Variants in THSD4 observed in about 807,000 individuals in gnomAD.
THSD4 encodes thrombospondin type 1 domain containing 4.
In THSD4, 69 loss-of-function variants were observed where a neutral mutation model predicts 119.0. The observed-to-expected ratio is 0.58, with a 90% confidence interval of 0.48 to 0.71. THSD4 has a LOEUF of 0.71. Among genes scored for constraint, THSD4 ranks in the 30% least tolerant of loss-of-function variants. The pLI, the probability that THSD4 is intolerant of heterozygous loss-of-function variation, is 0.00. For missense variants in THSD4, 1,393 were observed against 1,391.1 expected (o/e 1.00, Z -0.02); for synonymous variants, 524 against 540.4 (o/e 0.97, Z 0.42).
At chr15:71,110,579 A>C (rs1033885558), upstream of THSD4, 5 of 153,932 alleles carry the variant, frequency 3.2e-5, no homozygotes, top group African/African-American at 1.2e-4. Flanking sequence ...GCTGTCCCCT[A>C]CTTCTTCCAC....
intron 8 of THSD4, among the ~76,000 whole-genome samples, chr15:71,722,744 G>A (rs1054131741): frequency 3.3e-5 from 5 of 152,166 alleles, no homozygotes; most frequent in Non-Finnish European, 5.9e-5. Context: ...TATCAAATGA[G>A]AAATAAATGT....
At chr15:71,340,631 A>C (rs1397212597) in intron 6 of THSD4, among the ~76,000 whole-genome samples, 7 of 136,368 alleles carry the variant, frequency 5.1e-5, no homozygotes, top group Admixed American at 3.8e-4. Context: ...TTTGCGACAC[A>C]GTTTTACTCT....
intron 7 of THSD4, among the ~76,000 whole-genome samples, chr15:71,476,424 T>C (rs1326879153): frequency 4.6e-5 from 7 of 152,262 alleles, no homozygotes; most frequent in South Asian, 2.1e-4. Context: ...GTATTTTTAG[T>C]AGAGACAGGG....
chr15:71,727,611 CACACA>C (rs1272933416), intron 8 of THSD4, among the ~76,000 whole-genome samples: 6 of 136,932 alleles, frequency 4.4e-5, no homozygotes, highest in Non-Finnish European at 6.2e-5. Flanking sequence ...CACACACACA[CACACA>C]CACACAAGCC....
At chr15:71,262,339 C>T (rs2044410718) in intron 6 of THSD4, among the ~76,000 whole-genome samples, 1 of 152,110 alleles carries the variant, frequency 6.6e-6, no homozygotes, top group South Asian at 2.1e-4. Flanking sequence ...CCAGTTCACC[C>T]AGGACAGTGA....
At chr15:71,697,478 G>C (rs868132740) in intron 8 of THSD4, among the ~76,000 whole-genome samples, 7 of 152,340 alleles carry the variant, frequency 4.6e-5, no homozygotes, top group Middle Eastern at 6.8e-3. Flanking sequence ...CTGTCTCCCA[G>C]CAAGCCTCTG....
intron 3 of THSD4, among the ~76,000 whole-genome samples, chr15:71,204,430 G>C (rs1044341674): frequency 3.3e-5 from 5 of 152,184 alleles, no homozygotes; most frequent in Non-Finnish European, 7.3e-5. Flanking sequence ...GGAGCCCTGG[G>C]TACAACCTGG....
At chr15:71,373,346 T>C (rs1232020996) in intron 6 of THSD4, among the ~76,000 whole-genome samples, 2 of 152,326 alleles carry the variant, frequency 1.3e-5, no homozygotes, top group African/African-American at 2.4e-5. Context: ...AGTGGCTGTT[T>C]CATGAGTCTT....
intron 8 of THSD4, among the ~76,000 whole-genome samples, chr15:71,664,108 G>A (rs1002131463): frequency 3.3e-5 from 5 of 151,422 alleles, no homozygotes; most frequent in East Asian, 1.9e-4. Context: ...TCAGCCTCCC[G>A]AGTAGCTGGG....
At chr15:71,706,369 GGT>G (rs1396585793) in intron 8 of THSD4, among the ~76,000 whole-genome samples, 2 of 152,124 alleles carry the variant, frequency 1.3e-5, no homozygotes, top group African/African-American at 4.8e-5. Flanking sequence ...AGAAAAAAAT[GGT>G]GTGTTTGGTT....
intron 17 of THSD4, 130 bp from the exon 18 acceptor site, chr15:71,777,102 A>G (rs2053926783): frequency 1.9e-6 from 2 of 1,059,108 alleles, no homozygotes; most frequent in African/African-American, 1.6e-5. Flanking sequence ...CTTGGCACAC[A>G]TTCATACCCC....
At chr15:71,243,409 A>G (rs570213986) in intron 5 of THSD4, among the ~76,000 whole-genome samples, 1 of 152,292 alleles carries the variant, frequency 6.6e-6, no homozygotes, top group African/African-American at 2.4e-5. Context: ...ACTTATATTA[A>G]CAATATTTAT....
intron 7 of THSD4, among the ~76,000 whole-genome samples, chr15:71,645,090 T>C (rs1237624003): frequency 1.3e-5 from 2 of 152,084 alleles, no homozygotes; most frequent in Non-Finnish European, 2.9e-5. Flanking sequence ...ATATACAGAA[T>C]ACAGTCTCAA....
chr15:71,100,977 G>C (rs1769092203), intron 1 of THSD4, among the ~76,000 whole-genome samples: 1 of 151,280 alleles, frequency 6.6e-6, no homozygotes, highest in South Asian at 2.1e-4. Context: ...GTGAGACGCT[G>C]TCACACAAAA....
chr15:71,447,108 CA>C (rs1566986988), intron 7 of THSD4, among the ~76,000 whole-genome samples: 8 of 118,466 alleles, frequency 6.8e-5, no homozygotes, highest in Admixed American at 1.0e-4. Context: ...CTCTTCCCTC[CA>C]TTTTTTTTGT....
At chr15:71,287,577 C>T (rs770832645) in intron 6 of THSD4, among the ~76,000 whole-genome samples, 10 of 152,148 alleles carry the variant, frequency 6.6e-5, no homozygotes, top group African/African-American at 9.7e-5. Flanking sequence ...GGGATATGTT[C>T]CTGGGAAAAG....
At chr15:71,491,349 A>G (rs2047915842) in intron 7 of THSD4, among the ~76,000 whole-genome samples, 1 of 152,184 alleles carries the variant, frequency 6.6e-6, no homozygotes, top group African/African-American at 2.4e-5. Flanking sequence ...ATATCCAACT[A>G]CGGTATTTGA....
At chr15:71,288,860 C>G (rs2044753403) in intron 6 of THSD4, among the ~76,000 whole-genome samples, 1 of 152,188 alleles carries the variant, frequency 6.6e-6, no homozygotes. Context: ...ATACCAAGAC[C>G]TTCCGGGGAT....
intron 10 of THSD4, among the ~76,000 whole-genome samples, chr15:71,737,190 C>T (rs928255641): frequency 2.6e-5 from 4 of 152,158 alleles, no homozygotes; most frequent in South Asian, 4.1e-4. Context: ...AAAATATTTG[C>T]GGAACAGATG....
Sources: gnomAD v4.1 joint callset for allele counts (sites outside exome capture counted in the v4.1 genomes callset) on GRCh38, gnomAD v4.1.1 for gene constraint, MANE v1.5 for transcripts, NCBI Gene and HGNC (gene_info 2026-07-23, HGNC 2026-07-21) for gene names.